Variants in ELF1 observed in about 807,000 individuals in gnomAD.
ELF1 encodes E74 like ETS transcription factor 1.
ELF1 carries 24 observed loss-of-function variants against 59.9 expected under a neutral mutation model. The observed-to-expected ratio is 0.40, with a 90% confidence interval of 0.29 to 0.56. The LOEUF (loss-of-function observed/expected upper bound fraction) is 0.56. Among genes scored for constraint, ELF1 ranks in the 20% least tolerant of loss-of-function variants. The pLI, the probability that ELF1 is intolerant of heterozygous loss-of-function variation, is 0.44. For synonymous variants in ELF1, 248 were observed against 266.2 expected (o/e 0.93, Z 0.67); for missense variants, 627 against 742.2 (o/e 0.84, Z 1.80).
chr13:41,048,184 T>C (rs1215434424), intron 1 of ELF1, among the ~76,000 whole-genome samples: 2 of 152,202 alleles, frequency 1.3e-5, no homozygotes, highest in Admixed American at 6.5e-5. Context: ...TCACAGCTTC[T>C]CTTGGCTAGG....
At chr13:40,959,750 G>GGGTATAA (rs1291418723) in intron 2 of ELF1, among the ~76,000 whole-genome samples, 3 of 136,090 alleles carry the variant, frequency 2.2e-5, no homozygotes, top group Non-Finnish European at 4.9e-5. Context: ...GCTATATTAA[G>GGGTATAA]AGTATAAACT....
At chr13:41,056,598 A>G (rs1877295481) in intron 1 of ELF1, among the ~76,000 whole-genome samples, 1 of 152,240 alleles carries the variant, frequency 6.6e-6, no homozygotes, top group African/African-American at 2.4e-5. Flanking sequence ...GCAGCACTGT[A>G]TAAGGGTTCC....
Position 40,973,520 on chromosome 13 carries a change from T to C in ELF1, c.72+8463A>G, listed in dbSNP as rs59330061. On this transcript the variant is annotated intron_variant, in intron 2 of 8. Coordinates refer to ENST00000239882, the MANE Select transcript of ELF1 (RefSeq NM_172373.4). ...TATCTTTTATGTGCTATGTGTTCAC[T>C]GAAATGGAAAGGAGACAAAAATTTT... Among the ~76,000 whole-genome samples the C allele has an allele frequency of 9.5e-3, 1,444 of 152,266 alleles. 20 individuals carry two copies. The highest frequency in any genetic ancestry group is 0.033 in the African/African-American group (1,375 of 41,556).
intron 2 of ELF1, among the ~76,000 whole-genome samples, chr13:40,966,600 A>G (rs1474105582): frequency 1.3e-5 from 2 of 152,194 alleles, no homozygotes; most frequent in Admixed American, 6.5e-5. Flanking sequence ...ACCACAATCC[A>G]AGGTCCTATG....
chr13:41,047,561 C>T (rs941955458), intron 1 of ELF1, among the ~76,000 whole-genome samples: 1 of 152,124 alleles, frequency 6.6e-6, no homozygotes, highest in Non-Finnish European at 1.5e-5. Flanking sequence ...CCCTGTGTGC[C>T]CGGGTATCAG....
intron 4 of ELF1, 151 bp from the exon 5 acceptor site, chr13:40,950,124 A>C: frequency 1.4e-6 from 1 of 737,036 alleles, no homozygotes; most frequent in South Asian, 2.2e-5. Context: ...CCCTTCCCAA[A>C]ATCAAATACC....
chr13:40,994,929 C>T (rs1362139555), intron 1 of ELF1, among the ~76,000 whole-genome samples: 1 of 152,172 alleles, frequency 6.6e-6, no homozygotes, highest in African/African-American at 2.4e-5. Flanking sequence ...CCATTAGTAA[C>T]TGTTTCATGC....
intron 1 of ELF1, among the ~76,000 whole-genome samples, chr13:41,029,223 T>G (rs953405937): frequency 7.2e-5 from 11 of 152,162 alleles, no homozygotes; most frequent in African/African-American, 2.4e-4. Context: ...TAAATATGGT[T>G]TAAGTAGGTG....
chr13:40,979,770 C>T (rs1349127648), intron 2 of ELF1, among the ~76,000 whole-genome samples: 3 of 152,256 alleles, frequency 2.0e-5, no homozygotes, highest in East Asian at 1.9e-4. Flanking sequence ...TTTGTTCAGA[C>T]ATTTTTCTAA....
rs1003995077 is a variant in ELF1 at position 41,010,755 on chromosome 13, T to C, written c.-229+8473A>G. 9.5e-4 allele frequency among the ~76,000 whole-genome samples: 144 copies of C among 152,210 alleles called. 1 individual carries two copies. Among genetic ancestry groups the C allele is most frequent in the African/African-American group, 3.3e-3 (137 of 41,542 alleles). ...ATAATATAGATCAAAAGGTATATAA[T>C]AAAAATTTAAGAGACCTCTAATTAC... On this transcript the variant is annotated intron_variant, in intron 1 of 8. Transcript: ENST00000239882.
chr13:40,994,900 C>T (rs1874052901), intron 1 of ELF1, among the ~76,000 whole-genome samples: 1 of 152,156 alleles, frequency 6.6e-6, no homozygotes, highest in Non-Finnish European at 1.5e-5. Flanking sequence ...GTTCCCCCAT[C>T]TGAGAATACA....
At chr13:40,988,883 C>T (rs2324747) in intron 1 of ELF1, among the ~76,000 whole-genome samples, 83,194 of 152,036 alleles carry the variant, frequency 0.55, 25,880 homozygotes, top group Non-Finnish European at 0.69. Context: ...TCACTGCAAC[C>T]TCCGCCTGGG....
At chr13:41,019,333 T>C (rs1875596559), upstream of ELF1, 1 of 985,330 alleles carries the variant, frequency 1.0e-6, no homozygotes, top group African/African-American at 1.7e-5. Context: ...GTGGTGTCTG[T>C]GCTTCAGCTT....
intron 3 of ELF1, among the ~76,000 whole-genome samples, chr13:40,958,598 T>G (rs1871607198): frequency 6.6e-6 from 1 of 152,032 alleles, no homozygotes; most frequent in South Asian, 2.1e-4. Context: ...ATGCCTCTTA[T>G]TTTGTCACAT....
intron 1 of ELF1, among the ~76,000 whole-genome samples, chr13:41,027,388 T>C (rs955875774): frequency 1.1e-4 from 16 of 152,222 alleles, no homozygotes; most frequent in African/African-American, 3.9e-4. Flanking sequence ...CCACCTGTCA[T>C]TGCCCAGGGG....
chr13:41,035,337 T>C (rs762040364), intron 1 of ELF1, among the ~76,000 whole-genome samples: 1 of 152,242 alleles, frequency 6.6e-6, no homozygotes, highest in Non-Finnish European at 1.5e-5. Flanking sequence ...TGTCCCACAG[T>C]AGTTATTTAA....
chr13:40,992,724 T>G, intron 1 of ELF1: 1 of 219,680 alleles, frequency 4.6e-6, no homozygotes, highest in Non-Finnish European at 8.9e-6. Context: ...TTTTGTAGTG[T>G]TTTCATTAGA....
intron 1 of ELF1, among the ~76,000 whole-genome samples, chr13:41,046,041 G>A (rs953895278): frequency 1.3e-5 from 2 of 152,052 alleles, no homozygotes; most frequent in South Asian, 2.1e-4. Flanking sequence ...TTATGTAATG[G>A]CCTTCTTTGT....
At chr13:40,971,608 A>G (rs931889420) in intron 2 of ELF1, among the ~76,000 whole-genome samples, 4 of 152,186 alleles carry the variant, frequency 2.6e-5, no homozygotes, top group African/African-American at 9.7e-5. Context: ...ACCATCAAAA[A>G]CATAAAGGTC....
Sources: allele counts gnomAD v4.1 joint callset (sites outside exome capture counted in the v4.1 genomes callset), GRCh38; gene constraint gnomAD v4.1.1; transcripts MANE v1.5; gene names NCBI Gene and HGNC (gene_info 2026-07-23, HGNC 2026-07-21).